Variants in PLAC1 observed in about 807,000 individuals in gnomAD.
PLAC1 encodes the protein placenta associated 1.
For missense variants in PLAC1, 136 were observed against 163.2 expected, an observed-to-expected ratio of 0.83 and a Z score of 0.91; for synonymous variants, 68 against 62.1, an observed-to-expected ratio of 1.09 and a Z score of -0.44.
intron 2 of PLAC1, among the ~76,000 whole-genome samples, chrX:134,586,235 G>A (rs1057200005): frequency 2.7e-5 from 3 of 111,882 alleles, no homozygotes; most frequent in Non-Finnish European, 3.8e-5. Context: ...AGCCCACAGC[G>A]AGGGGAGGAG....
At chrX:134,753,081 C>A (rs1427363250) in intron 1 of PLAC1, among the ~76,000 whole-genome samples, 1 of 111,049 alleles carries the variant, frequency 9.0e-6, no homozygotes, top group East Asian at 2.8e-4. Flanking sequence ...AAAAGAAAAT[C>A]CTCCTCCACA....
intron 1 of PLAC1, among the ~76,000 whole-genome samples, chrX:134,745,745 G>C (rs2078727695): frequency 9.0e-6 from 1 of 111,562 alleles, no homozygotes; most frequent in African/African-American, 3.3e-5. Context: ...GCAGTTGATA[G>C]GATCTTTGGG....
intron 1 of PLAC1, among the ~76,000 whole-genome samples, chrX:134,609,441 G>A (rs756661159): frequency 4.5e-4 from 50 of 111,834 alleles, no homozygotes; most frequent in African/African-American, 8.1e-4. Flanking sequence ...GCAGGTACTC[G>A]GTAATTGTTT....
At chrX:134,690,873 C>T (rs1397179395) in intron 2 of PLAC1, among the ~76,000 whole-genome samples, 4 of 89,742 alleles carry the variant, frequency 4.5e-5, no homozygotes, top group Non-Finnish European at 6.3e-5. Context: ...ATCCGGGAGG[C>T]GGAGATTGCA....
chrX:134,746,531 T>C (rs1468230133), intron 1 of PLAC1, among the ~76,000 whole-genome samples: 1 of 111,802 alleles, frequency 8.9e-6, no homozygotes, highest in African/African-American at 3.3e-5. Flanking sequence ...AGTAGGAAAA[T>C]TGAATGCTGT....
At chrX:134,591,709 T>A (rs2078039991) in intron 2 of PLAC1, among the ~76,000 whole-genome samples, 1 of 112,621 alleles carries the variant, frequency 8.9e-6, no homozygotes, top group Admixed American at 9.4e-5. Flanking sequence ...TTTAGTTTTA[T>A]ATGAAACTGC....
At chrX:134,699,931 A>G (rs1246519792) in intron 2 of PLAC1, among the ~76,000 whole-genome samples, 1 of 111,986 alleles carries the variant, frequency 8.9e-6, no homozygotes, top group Admixed American at 9.5e-5. Flanking sequence ...ATGAAACACC[A>G]GTCACAGAGT....
intron 2 of PLAC1, among the ~76,000 whole-genome samples, chrX:134,673,845 T>C (rs2078464301): frequency 8.9e-6 from 1 of 112,721 alleles, no homozygotes; most frequent in African/African-American, 3.2e-5. Flanking sequence ...TGCCAGCCAT[T>C]TTTCAAATGT....
At chrX:134,582,067 A>G (rs1249140276) in intron 2 of PLAC1, among the ~76,000 whole-genome samples, 4 of 112,371 alleles carry the variant, frequency 3.6e-5, no homozygotes, top group African/African-American at 1.3e-4. Flanking sequence ...CTGAAATAGA[A>G]TAAGTTCTCA....
intron 2 of PLAC1, among the ~76,000 whole-genome samples, chrX:134,667,295 A>C (rs1274286250): frequency 8.9e-6 from 1 of 112,396 alleles, no homozygotes; most frequent in Admixed American, 9.4e-5. Context: ...ACTTGTATCT[A>C]GATTACATGC....
chrX:134,666,522 A>G (rs1164907300), intron 2 of PLAC1, among the ~76,000 whole-genome samples: 4 of 111,892 alleles, frequency 3.6e-5, no homozygotes, highest in Non-Finnish European at 5.6e-5. Context: ...TAGGAGGGTG[A>G]ACATGGGATG....
intron 1 of PLAC1, among the ~76,000 whole-genome samples, chrX:134,741,153 T>A (rs2078716014): frequency 8.9e-6 from 1 of 112,270 alleles, no homozygotes; most frequent in South Asian, 3.7e-4. Context: ...AATTTTATTT[T>A]AAAAAATCTA....
At chrX:134,582,578 A>C (rs960704325) in intron 2 of PLAC1, among the ~76,000 whole-genome samples, 33 of 112,245 alleles carry the variant, frequency 2.9e-4, no homozygotes, top group Non-Finnish European at 5.8e-4. Context: ...TGACTTCTTA[A>C]GATTCTGTGA....
chrX:134,566,379 A>C lies in PLAC1; in HGVS notation c.304T>G (p.Ser102Ala), dbSNP rs376770103. The change falls in exon 3 of 3, where the codon TCT becomes GCT. Residue 102 changes from serine to alanine, a missense_variant. Ser to Ala is a moderately conservative substitution (Grantham distance 99, BLOSUM62 1). Transcript: ENST00000359237. ...ACAAACTTAGATGGCGTGCCCTTAG[A>C]AGAGTAGTGTATCTCAGTGCTGTAG... ...VIYSTEIHYS[S>A]KGTPSKFVIP... 12 of 1,209,846 alleles carry C rather than the reference A, an allele frequency of 9.9e-6. No homozygotes were observed. Among genetic ancestry groups the C allele is most frequent in the Non-Finnish European group, 1.3e-5 (12 of 895,151 alleles).
intron 1 of PLAC1, among the ~76,000 whole-genome samples, chrX:134,749,591 C>A (rs1450955082): frequency 2.7e-5 from 3 of 112,119 alleles, no homozygotes. Context: ...ATATTTCTAT[C>A]AAAAAATCAA....
chrX:134,752,293 T>G (rs1460732451), intron 1 of PLAC1, among the ~76,000 whole-genome samples: 1 of 111,626 alleles, frequency 9.0e-6, no homozygotes, highest in Non-Finnish European at 1.9e-5. Context: ...CCACATTGCC[T>G]CTTCATTGAG....
chrX:134,615,968 T>C (rs1278887919), intron 1 of PLAC1, among the ~76,000 whole-genome samples: 6 of 110,356 alleles, frequency 5.4e-5, no homozygotes, highest in Non-Finnish European at 1.1e-4. Context: ...CTGTTTTGAT[T>C]ACTATAGATT....
chrX:134,667,431 G>A (rs1233759047), intron 2 of PLAC1, among the ~76,000 whole-genome samples: 1 of 112,029 alleles, frequency 8.9e-6, no homozygotes, highest in Non-Finnish European at 1.9e-5. Flanking sequence ...AAATATGCTC[G>A]ACATCAATAA....
chrX:134,718,099 G>A (rs1287041502), intron 2 of PLAC1, among the ~76,000 whole-genome samples: 3 of 111,900 alleles, frequency 2.7e-5, no homozygotes, highest in African/African-American at 9.8e-5. Flanking sequence ...GAAAGTTTGA[G>A]TTAAACTGGA....
Sources: allele counts gnomAD v4.1 joint callset (sites outside exome capture counted in the v4.1 genomes callset), GRCh38; gene constraint gnomAD v4.1.1; transcripts MANE v1.5; gene names NCBI Gene and HGNC (gene_info 2026-07-23, HGNC 2026-07-21).